NEGR1: variants seen among roughly 807,000 people sequenced by gnomAD.
The protein encoded by NEGR1 is neuronal growth regulator 1, also known as IgLON family member 4.
In NEGR1, 10 loss-of-function variants were observed where a neutral mutation model predicts 40.9. The ratio of observed to expected loss-of-function variants is 0.24; its 90% CI spans 0.15 to 0.42. The LOEUF is 0.42. Among genes scored for constraint, NEGR1 ranks in the 10% least tolerant of loss-of-function variants. The pLI, the probability that NEGR1 is intolerant of heterozygous loss-of-function variation, is 1.00. For synonymous variants in NEGR1, 185 were observed against 166.8 expected, an observed-to-expected ratio of 1.11 and a Z score of -0.84; for missense variants, 352 against 438.9, an observed-to-expected ratio of 0.80 and a Z score of 1.77.
chr1:71,803,718 C>T (rs1197302411), intron 2 of NEGR1, among the ~76,000 whole-genome samples: 1 of 151,978 alleles, frequency 6.6e-6, no homozygotes, highest in Non-Finnish European at 1.5e-5. Context: ...ACCTTTCTAC[C>T]TTCCTTGATA....
chr1:71,488,934 C>T (rs754360281), intron 6 of NEGR1, among the ~76,000 whole-genome samples: 7 of 151,898 alleles, frequency 4.6e-5, no homozygotes, highest in Non-Finnish European at 7.4e-5. Context: ...ACTGGCTCCA[C>T]TATTTTACTT....
intron 2 of NEGR1, among the ~76,000 whole-genome samples, chr1:71,912,081 T>C (rs1182235428): frequency 4.6e-5 from 7 of 152,200 alleles, no homozygotes; most frequent in African/African-American, 7.2e-5. Flanking sequence ...AATTATCAGA[T>C]ACTTTGTGAC....
At chr1:71,538,507 T>C (rs567045076) in intron 6 of NEGR1, among the ~76,000 whole-genome samples, 41 of 151,798 alleles carry the variant, frequency 2.7e-4, no homozygotes, top group Middle Eastern at 6.8e-3. Flanking sequence ...CCAGTCATTG[T>C]GGAGTGGAAG....
At position 71,465,366 on chromosome 1, in the gene NEGR1, A is replaced by T. The variant is rs1646738710; in HGVS notation, c.941-57796T>A. Among the ~76,000 whole-genome samples the T allele has an allele frequency of 3.9e-5, 6 of 152,174 alleles. No homozygotes were observed. In the South Asian group the frequency reaches 1.2e-3, roughly 32 times the overall value. On this transcript the variant is annotated intron_variant, in intron 6 of 6. Transcript: ENST00000357731. The stretch of plus-strand genomic sequence containing the variant: ...TTGATTCTAAGTTATCTCCTTAATT[A>T]TTTCAGTATCTGAGTGGTGTTGCAA...
intron 1 of NEGR1, among the ~76,000 whole-genome samples, chr1:71,957,660 T>C (rs971768754): frequency 5.9e-5 from 9 of 152,180 alleles, no homozygotes; most frequent in Admixed American, 3.9e-4. Context: ...CACATTAAAA[T>C]GTCAATTGGG....
At chr1:72,053,786 A>G (rs562113642) in intron 1 of NEGR1, among the ~76,000 whole-genome samples, 1 of 151,290 alleles carries the variant, frequency 6.6e-6, no homozygotes, top group East Asian at 1.9e-4. Flanking sequence ...CTAATAGTAC[A>G]CTAGTTTCAT....
rs554505258 is a variant in NEGR1 at position 71,973,461 on chromosome 1, G to A, written c.177-38150C>T. On this transcript the variant is annotated intron_variant, in intron 1 of 6. Transcript: ENST00000357731. ...AATATCTGTTCTTTTAAGCCACCAC[G>A]CTTTTGTCAATTTGTTATAAAAGCT... is the stretch of plus-strand genomic sequence containing the variant. Among the ~76,000 whole-genome samples, 182 of 152,116 alleles carry A rather than the reference G, an allele frequency of 1.2e-3. 1 individual carries two copies. Among genetic ancestry groups the A allele is most frequent in the African/African-American group, 4.2e-3 (174 of 41,510 alleles).
intron 1 of NEGR1, among the ~76,000 whole-genome samples, chr1:72,146,927 C>A (rs1229474902): frequency 3.9e-5 from 6 of 152,142 alleles, no homozygotes; most frequent in Non-Finnish European, 5.9e-5. Flanking sequence ...GCATTTCCTA[C>A]TATGTCTTGA....
At chr1:71,885,331 A>G (rs1660695426) in intron 2 of NEGR1, among the ~76,000 whole-genome samples, 1 of 152,224 alleles carries the variant, frequency 6.6e-6, no homozygotes, top group Non-Finnish European at 1.5e-5. Context: ...ATTTTATAGT[A>G]GAACAAATTA....
At position 72,100,313 on chromosome 1, in the gene NEGR1, C is replaced by T. The variant is rs185844906; in HGVS notation, c.177-165002G>A. Among the ~76,000 whole-genome samples the T allele has an allele frequency of 4.5e-4, 68 of 152,228 alleles. No homozygotes were observed. In the East Asian group the frequency reaches 0.013, roughly 29 times the overall value. On this transcript the variant is annotated intron_variant, in intron 1 of 6. Coordinates refer to ENST00000357731, the MANE Select transcript of NEGR1 (RefSeq NM_173808.3). ...CTGAGAAAACCACATACATGCATGT[C>T]CTTGTTTTTGCTTAAAATTGATTTT...
At chr1:72,004,345 T>C (rs750235072) in intron 1 of NEGR1, among the ~76,000 whole-genome samples, 127 of 152,256 alleles carry the variant, frequency 8.3e-4, no homozygotes, top group Non-Finnish European at 1.5e-3. Flanking sequence ...TTCCCTGTCT[T>C]GTCCAGGCTG....
intron 1 of NEGR1, among the ~76,000 whole-genome samples, chr1:72,240,902 G>A (rs1471559031): frequency 1.3e-5 from 2 of 151,740 alleles, no homozygotes; most frequent in South Asian, 2.1e-4. Flanking sequence ...GCCTCCTTCT[G>A]ATTTCTTATT....
intron 1 of NEGR1, among the ~76,000 whole-genome samples, chr1:72,082,728 C>T (rs923821417): frequency 6.8e-6 from 1 of 148,132 alleles, no homozygotes; most frequent in Non-Finnish European, 1.5e-5. Flanking sequence ...AAAAAAAAAA[C>T]TAATGGGTCA....
intron 2 of NEGR1, among the ~76,000 whole-genome samples, chr1:71,820,506 G>T (rs989385071): frequency 5.9e-5 from 9 of 151,998 alleles, no homozygotes; most frequent in Non-Finnish European, 1.0e-4. Context: ...CAAGATTTAA[G>T]TTGAAGTTGA....
intron 1 of NEGR1, among the ~76,000 whole-genome samples, chr1:72,079,863 G>A (rs945968824): frequency 6.6e-6 from 1 of 151,834 alleles, no homozygotes; most frequent in Admixed American, 6.6e-5. Context: ...ATATATATTT[G>A]TTATATTAAA....
intron 2 of NEGR1, among the ~76,000 whole-genome samples, chr1:71,819,550 T>C (rs1658351259): frequency 6.6e-6 from 1 of 151,288 alleles, no homozygotes; most frequent in Admixed American, 6.6e-5. Flanking sequence ...AAGGAAGAAT[T>C]GAAAGATAAA....
At chr1:71,581,629 T>C (rs1381370754) in intron 6 of NEGR1, among the ~76,000 whole-genome samples, 1 of 152,108 alleles carries the variant, frequency 6.6e-6, no homozygotes, top group African/African-American at 2.4e-5. Context: ...GAGAAGCAAC[T>C]GACTATATGG....
At chr1:71,442,710 G>A (rs1166614589) in intron 6 of NEGR1, among the ~76,000 whole-genome samples, 2 of 152,126 alleles carry the variant, frequency 1.3e-5, no homozygotes, top group African/African-American at 4.8e-5. Context: ...TAAAGTGCAG[G>A]GAAACAAGAA....
At chr1:71,520,494 C>T (rs554095190) in intron 6 of NEGR1, among the ~76,000 whole-genome samples, 17 of 152,152 alleles carry the variant, frequency 1.1e-4, no homozygotes, top group African/African-American at 4.1e-4. Context: ...ATGGTTTTGT[C>T]TCAATGATTC....
Sources: gnomAD v4.1 joint callset for allele counts (sites outside exome capture counted in the v4.1 genomes callset) on GRCh38, gnomAD v4.1.1 for gene constraint, MANE v1.5 for transcripts, NCBI Gene and HGNC (gene_info 2026-07-23, HGNC 2026-07-21) for gene names.